The following RAB39A variants were observed in gnomAD, a reference collection of about 807,000 sequenced individuals.
RAB39A encodes RAB39A, member RAS oncogene family.
A neutral mutation model predicts 20.9 loss-of-function variants in RAB39A; 17 were observed. The observed-to-expected ratio is 0.81, with a 90% CI of 0.56 to 1.22. The LOEUF is 1.22. Ranked by LOEUF, RAB39A falls within the 50% of genes most tolerant of loss-of-function variation. The pLI is 0.00. For missense variants in RAB39A, 234 were observed against 270.5 expected, an observed-to-expected ratio of 0.87 and a Z score of 0.95; for synonymous variants, 99 against 103.4, an observed-to-expected ratio of 0.96 and a Z score of 0.26.
At chr11:107,940,268 A>G (rs1861245758) in intron 1 of RAB39A, among the ~76,000 whole-genome samples, 2 of 151,118 alleles carry the variant, frequency 1.3e-5, no homozygotes, top group African/African-American at 4.9e-5. Flanking sequence ...TTTTATTATT[A>G]TTATTATTTT....
intron 1 of RAB39A, among the ~76,000 whole-genome samples, chr11:107,950,499 G>T (rs1861366570): frequency 6.6e-6 from 1 of 152,132 alleles, no homozygotes; most frequent in African/African-American, 2.4e-5. Flanking sequence ...GGGCGCGGTG[G>T]CTCATGCCTG....
chr11:107,951,615 A>ATTTTTTTTTTTTTTTTTTTTTTTTTT (rs4028253), intron 1 of RAB39A, among the ~76,000 whole-genome samples: 1 of 105,700 alleles, frequency 9.5e-6, no homozygotes, highest in African/African-American at 3.7e-5. Context: ...CCATTTTCAG[A>ATTTTTTTTTTTTTTTTTTTTTTTTTT]TTTTTTTTTT....
chr11:107,948,389 C>A (rs1266801095), intron 1 of RAB39A, among the ~76,000 whole-genome samples: 3 of 152,034 alleles, frequency 2.0e-5, no homozygotes, highest in African/African-American at 7.3e-5. Context: ...TATTTCCCTT[C>A]CCTATTGCAC....
At chr11:107,934,855 G>C (rs1861177333) in intron 1 of RAB39A, among the ~76,000 whole-genome samples, 1 of 150,500 alleles carries the variant, frequency 6.6e-6, no homozygotes, top group Non-Finnish European at 1.5e-5. Context: ...CTTGAACCCA[G>C]GAAGCGGAGG....
intron 1 of RAB39A, among the ~76,000 whole-genome samples, chr11:107,947,290 G>A (rs893400164): frequency 3.3e-5 from 5 of 152,006 alleles, no homozygotes; most frequent in African/African-American, 1.2e-4. Context: ...TGTATTTTTA[G>A]TAGAGACAGG....
chr11:107,940,711 G>A (rs1026195394), intron 1 of RAB39A, among the ~76,000 whole-genome samples: 2 of 152,126 alleles, frequency 1.3e-5, no homozygotes, highest in Non-Finnish European at 2.9e-5. Context: ...GGTGGCTCAT[G>A]CCTGTAATCC....
In RAB39A at chr11:107,958,848, G is replaced by A. The variant is rs370337826; in HGVS notation, c.228-3098G>A. On this transcript the variant is annotated intron_variant, in intron 1 of 1. Coordinates refer to ENST00000320578, the MANE Select transcript of RAB39A (RefSeq NM_017516.3). Reference sequence around the variant, plus strand: ...AAGATAGTATTTCCTGGCCGGGCGCGGTGGCTCATGCCTGTTATCCTAGTG... The same window carrying A: ...AAGATAGTATTTCCTGGCCGGGCGCAGTGGCTCATGCCTGTTATCCTAGTG... Among the ~76,000 whole-genome samples the A allele has an allele frequency of 1.1e-3, 170 of 152,120 alleles. 1 individual carries two copies. The highest frequency in any genetic ancestry group is 3.7e-3 in the African/African-American group (155 of 41,512).
chr11:107,949,458 C>G (rs1861352557), intron 1 of RAB39A, among the ~76,000 whole-genome samples: 1 of 152,030 alleles, frequency 6.6e-6, no homozygotes. Context: ...TCATACGAAA[C>G]AAAGCCATAT....
chr11:107,939,060 G>A (rs1861230986), intron 1 of RAB39A, among the ~76,000 whole-genome samples: 1 of 151,164 alleles, frequency 6.6e-6, no homozygotes, highest in African/African-American at 2.4e-5. Context: ...TGGCCAAGCT[G>A]GTGAAACCCC....
intron 1 of RAB39A, among the ~76,000 whole-genome samples, chr11:107,953,842 C>A (rs1861406903): frequency 6.6e-6 from 1 of 152,146 alleles, no homozygotes; most frequent in African/African-American, 2.4e-5. Context: ...TACAAGGTGT[C>A]ATCTCCTGGA....
chr11:107,931,863 CTTTT>C (rs35328521), intron 1 of RAB39A, among the ~76,000 whole-genome samples: 1 of 118,038 alleles, frequency 8.5e-6, no homozygotes, highest in Non-Finnish European at 1.7e-5. Context: ...TTCTTTCCTT[CTTTT>C]TTTTTTTTTT....
intron 1 of RAB39A, among the ~76,000 whole-genome samples, chr11:107,943,599 G>C (rs1239962496): frequency 6.6e-6 from 1 of 150,782 alleles, no homozygotes; most frequent in Non-Finnish European, 1.5e-5. Flanking sequence ...AAATTAATCA[G>C]GACAAGGATT....
intron 1 of RAB39A, among the ~76,000 whole-genome samples, chr11:107,931,863 C>CTTTTTTT (rs35328521): frequency 8.5e-6 from 1 of 118,050 alleles, no homozygotes; most frequent in Non-Finnish European, 1.7e-5. Flanking sequence ...TTCTTTCCTT[C>CTTTTTTT]TTTTTTTTTT....
At chr11:107,943,086 A>G (rs764011606) in intron 1 of RAB39A, among the ~76,000 whole-genome samples, 7 of 152,180 alleles carry the variant, frequency 4.6e-5, no homozygotes, top group Admixed American at 2.0e-4. Context: ...ACTTAGTAAC[A>G]GTAATGAACT....
chr11:107,961,253 G>A (rs768961350), intron 1 of RAB39A, among the ~76,000 whole-genome samples: 2 of 152,194 alleles, frequency 1.3e-5, no homozygotes, highest in Non-Finnish European at 2.9e-5. Flanking sequence ...AGCATGGTCA[G>A]GTTCCAGTGA....
At chr11:107,957,613 G>A (rs535014072) in intron 1 of RAB39A, among the ~76,000 whole-genome samples, 4 of 152,296 alleles carry the variant, frequency 2.6e-5, no homozygotes, top group Admixed American at 2.6e-4. Flanking sequence ...AGGGACAAGC[G>A]ACTGCTAGGA....
At chr11:107,947,084 T>C (rs547354695) in intron 1 of RAB39A, among the ~76,000 whole-genome samples, 140 of 151,424 alleles carry the variant, frequency 9.2e-4, no homozygotes, top group African/African-American at 3.1e-3. Flanking sequence ...AAAAAGACAG[T>C]GACTTAGAAA....
chr11:107,947,807 C>CAAAAAAAAAA (rs35694249), intron 1 of RAB39A, among the ~76,000 whole-genome samples: 43 of 80,192 alleles, frequency 5.4e-4, no homozygotes, highest in South Asian at 1.2e-3. Flanking sequence ...CATCAACAGG[C>CAAAAAAAAAA]AAAAAAAAAA....
In RAB39A at chr11:107,962,823, A is replaced by G. The variant is rs1177540677; in HGVS notation, c.*451A>G. ...GTAAACAATCTCAGAAGTATCGACT[A>G]GGACGTAAATAGCAGTTCCTTATAT... On this transcript the variant is annotated 3_prime_UTR_variant, in exon 2 of 2. Transcript: ENST00000320578. 1 of 152,776 alleles carries G rather than the reference A, an allele frequency of 6.5e-6. No individual in the cohort carries two copies. Among genetic ancestry groups the G allele is most frequent in the Non-Finnish European group, 1.5e-5 (1 of 68,446 alleles). The allele number at this position is 152,776 out of a possible 1,614,324, so 9.5% of individuals were successfully genotyped here. A position where few individuals can be genotyped will look rare whatever the true frequency, so the allele number is the denominator to read the frequency against.
Sources: allele counts gnomAD v4.1 joint callset (sites outside exome capture counted in the v4.1 genomes callset), GRCh38; gene constraint gnomAD v4.1.1; transcripts MANE v1.5; gene names NCBI Gene and HGNC (gene_info 2026-07-23, HGNC 2026-07-21).